CA8: variants seen among roughly 807,000 people sequenced by gnomAD.
CA8 encodes the protein carbonic anhydrase-related protein.
In CA8, 22 loss-of-function variants were observed where a neutral mutation model predicts 41.4. The ratio of observed to expected loss-of-function variants is 0.53; its 90% CI spans 0.38 to 0.76. The LOEUF is 0.76. CA8 is among the 30% of genes least tolerant of loss of function. The probability of loss-of-function intolerance (pLI) is 0.00; values close to 1 mark genes in which losing one functional copy is unlikely to be tolerated. For missense variants in CA8, 270 were observed against 352.8 expected, an observed-to-expected ratio of 0.77 and a Z score of 1.88; for synonymous variants, 121 against 130.6, an observed-to-expected ratio of 0.93 and a Z score of 0.50.
intron 2 of CA8, among the ~76,000 whole-genome samples, chr8:60,269,933 A>G (rs1049337720): frequency 2.6e-5 from 4 of 152,262 alleles, no homozygotes; most frequent in Non-Finnish European, 5.9e-5. Flanking sequence ...TCCCCAGAAG[A>G]TACCAACTCA....
chr8:60,251,653 C>T (rs1310208256), intron 3 of CA8, among the ~76,000 whole-genome samples: 2 of 152,190 alleles, frequency 1.3e-5, no homozygotes, highest in African/African-American at 4.8e-5. Flanking sequence ...AATTTCATAC[C>T]TCCTATCTTT....
intron 7 of CA8, among the ~76,000 whole-genome samples, chr8:60,218,832 C>T (rs1807124224): frequency 1.3e-5 from 2 of 152,136 alleles, no homozygotes; most frequent in African/African-American, 4.8e-5. Flanking sequence ...ATACGACCCA[C>T]GGCCCCTGCT....
chr8:60,258,249 T>C (rs966403967), intron 3 of CA8, among the ~76,000 whole-genome samples: 1 of 152,238 alleles, frequency 6.6e-6, no homozygotes, highest in African/African-American at 2.4e-5. Context: ...AGTAGTGATG[T>C]TGGCATATTG....
intron 7 of CA8, among the ~76,000 whole-genome samples, chr8:60,219,105 C>T (rs560797498): frequency 1.3e-5 from 2 of 152,026 alleles, no homozygotes; most frequent in South Asian, 4.2e-4. Context: ...ATCCTCACTA[C>T]TTGACTCTTC....
chr8:60,196,287 C>T (rs1367151256), intron 8 of CA8, among the ~76,000 whole-genome samples: 2 of 152,066 alleles, frequency 1.3e-5, no homozygotes, highest in Non-Finnish European at 2.9e-5. Context: ...AATGCTAATC[C>T]TCCACAAAGC....
At position 60,188,421 on chromosome 8, in the gene CA8, G is replaced by A. The variant is rs2130363831; in HGVS notation, c.*1600C>T. ...TTGTTCCAGGAATGCCATATGAATG[G>A]CCTCTCATTTATGGAAGGCTTCAGA... On this transcript the variant is annotated 3_prime_UTR_variant, in exon 9 of 9. Transcript: ENST00000317995. The A allele has an allele frequency of 6.6e-6, 1 of 152,262 alleles. No homozygotes were observed. The allele number at this position is 152,262 out of a possible 1,614,324, so 9.4% of individuals were successfully genotyped here. A position where few individuals can be genotyped will look rare whatever the true frequency, so the allele number is the denominator to read the frequency against.
chr8:60,259,779 G>A (rs1803671303), intron 3 of CA8, among the ~76,000 whole-genome samples: 1 of 147,074 alleles, frequency 6.8e-6, no homozygotes, highest in Non-Finnish European at 1.5e-5. Context: ...GGGAGATTCT[G>A]CAATCATGAC....
intron 2 of CA8, among the ~76,000 whole-genome samples, chr8:60,270,823 C>CT (rs1412669453): frequency 6.6e-6 from 1 of 152,124 alleles, no homozygotes; most frequent in African/African-American, 2.4e-5. Context: ...TCATTTAGTT[C>CT]TTTTTTTAAC....
At position 60,208,658 on chromosome 8, in the gene CA8, T is replaced by A. The variant is rs1806725050; in HGVS notation, c.*35+92A>T. On this transcript the variant is annotated intron_variant, in intron 8 of 8. Transcript: ENST00000317995. ...CAAGATGAAGTACATACGCTTTTAT[T>A]ACTAAATTACCAGGATCACAATAAG... 3 of 1,103,700 alleles carry A rather than the reference T, an allele frequency of 2.7e-6. No homozygotes were observed. In the African/African-American group the frequency reaches 4.6e-5, roughly 17 times the overall value. The allele number at this position is 1,103,700 out of a possible 1,614,324, so 68.4% of individuals were successfully genotyped here.
chr8:60,242,892 C>CTTCA (rs1808089597), intron 3 of CA8, among the ~76,000 whole-genome samples: 1 of 152,214 alleles, frequency 6.6e-6, no homozygotes, highest in Non-Finnish European at 1.5e-5. Flanking sequence ...GGTCACTTAC[C>CTTCA]TTCAGTAGGG....
At chr8:60,244,919 G>A (rs561562721) in intron 3 of CA8, among the ~76,000 whole-genome samples, 2 of 152,162 alleles carry the variant, frequency 1.3e-5, no homozygotes, top group African/African-American at 4.8e-5. Flanking sequence ...GGATGAGAAC[G>A]GTAGTTGGTC....
At position 60,279,716 on chromosome 8, in the gene CA8, T is replaced by C. The variant is rs1275708427; in HGVS notation, c.265A>G (p.Ile89Val). 2.5e-6 allele frequency: 4 copies of C among 1,614,192 alleles called. No homozygotes were observed. The highest frequency in any genetic ancestry group is 2.7e-5 in the African/African-American group (2 of 75,046). The change falls in exon 2 of 9, where the codon ATT becomes GTT. Residue 89 changes from isoleucine (I) to valine (V), a missense_variant. Ile to Val is a conservative substitution (Grantham distance 29). Transcript: ENST00000317995. Reference protein sequence around the residue: ...DCEVTNDGHTIQVILKSKSVL... With the variant: ...DCEVTNDGHTVQVILKSKSVL... ...GATTTTGACTTCAGGATAACCTGAA[T>C]GGTATGTCCATCATTGGTGACTTCA...
Position 60,236,233 on chromosome 8 carries a change from G to A in CA8, c.418-3854C>T, listed in dbSNP as rs534701318. 1.5e-3 allele frequency among the ~76,000 whole-genome samples: 231 copies of A among 152,308 alleles called. 4 individuals carry two copies. The South Asian group carries it at 0.019, about 13-fold the overall frequency. ...AGACTGAGGTCCCCCAAGGGAGAAG[G>A]AATTCTGCCTCCAGAACTCTGGATA... is the stretch of plus-strand genomic sequence containing the variant. On this transcript the variant is annotated intron_variant, in intron 3 of 8. Transcript: ENST00000317995.
At chr8:60,236,884 A>G (rs1411007596) in intron 3 of CA8, among the ~76,000 whole-genome samples, 6 of 152,234 alleles carry the variant, frequency 3.9e-5, no homozygotes, top group Non-Finnish European at 7.3e-5. Context: ...ATGGAAAAGC[A>G]CATGATACTA....
chr8:60,214,944 T>C (rs947150109), intron 7 of CA8, among the ~76,000 whole-genome samples: 1 of 151,908 alleles, frequency 6.6e-6, no homozygotes, highest in Non-Finnish European at 1.5e-5. Flanking sequence ...ACATTTAATA[T>C]GAAAATGTAG....
At chr8:60,239,887 C>T (rs954067464) in intron 3 of CA8, among the ~76,000 whole-genome samples, 1 of 152,204 alleles carries the variant, frequency 6.6e-6, no homozygotes, top group Non-Finnish European at 1.5e-5. Flanking sequence ...GTAAGACGTG[C>T]CTTTCACCTT....
chr8:60,275,225 T>C (rs74380941), intron 2 of CA8, among the ~76,000 whole-genome samples: 3,629 of 152,218 alleles, frequency 0.024, 124 homozygotes, highest in African/African-American at 0.081. Context: ...CAGCCCTCAA[T>C]CCCTGCCCAG....
At chr8:60,247,178 C>T (rs916504800) in intron 3 of CA8, among the ~76,000 whole-genome samples, 2 of 152,316 alleles carry the variant, frequency 1.3e-5, no homozygotes, top group African/African-American at 4.8e-5. Flanking sequence ...CCACCACGCC[C>T]AGCCAATAAC....
chr8:60,234,453 G>C (rs1476732431), intron 3 of CA8, among the ~76,000 whole-genome samples: 3 of 152,316 alleles, frequency 2.0e-5, no homozygotes, highest in East Asian at 3.9e-4. Flanking sequence ...ATGTAACCAT[G>C]CTAATGTAAA....
Sources: allele counts gnomAD v4.1 joint callset (sites outside exome capture counted in the v4.1 genomes callset), GRCh38; gene constraint gnomAD v4.1.1; transcripts MANE v1.5; gene names NCBI Gene and HGNC (gene_info 2026-07-23, HGNC 2026-07-21).